Variants in TULP4 observed in about 807,000 individuals in gnomAD.
TULP4 encodes the protein TUB like protein 4.
A neutral mutation model predicts 129.0 loss-of-function variants in TULP4; 16 were observed. That is an observed-to-expected ratio of 0.12 (90% CI 0.08 to 0.19). The LOEUF is 0.19. Ranked by LOEUF, TULP4 falls within the 10% of genes least tolerant of loss-of-function variation. The pLI is 1.00. For synonymous variants in TULP4, 998 were observed against 854.0 expected (o/e 1.17, Z -2.94); for missense variants, 1,842 against 2,059.1 (o/e 0.89, Z 2.04).
chr6:158,303,528 G>A (rs1026659889), intron 1 of TULP4, among the ~76,000 whole-genome samples: 3 of 152,200 alleles, frequency 2.0e-5, no homozygotes, highest in Non-Finnish European at 1.5e-5. Context: ...CAGGGAACAC[G>A]ACAAAGGGCA....
At chr6:158,494,444 T>G (rs1780281622) in intron 10 of TULP4, among the ~76,000 whole-genome samples, 1 of 152,176 alleles carries the variant, frequency 6.6e-6, no homozygotes, top group African/African-American at 2.4e-5. Context: ...TCAGGCGAAA[T>G]ATCAAAGATA....
intron 1 of TULP4, among the ~76,000 whole-genome samples, chr6:158,397,156 A>C (rs981522683): frequency 6.6e-6 from 1 of 152,208 alleles, no homozygotes; most frequent in Admixed American, 6.5e-5. Flanking sequence ...ATCTGACAGC[A>C]GTTTATGGAA....
chr6:158,317,414 G>A (rs1233295311), intron 1 of TULP4, among the ~76,000 whole-genome samples: 3 of 151,450 alleles, frequency 2.0e-5, no homozygotes, highest in Non-Finnish European at 4.4e-5. Context: ...AGAACATGCG[G>A]TGTTTGGTTT....
At chr6:158,306,398 A>G (rs2128478895) in intron 1 of TULP4, among the ~76,000 whole-genome samples, 1 of 152,348 alleles carries the variant, frequency 6.6e-6, no homozygotes, top group African/African-American at 2.4e-5. Context: ...CTCTTCAAAA[A>G]GTACAAAAAG....
intron 1 of TULP4, among the ~76,000 whole-genome samples, chr6:158,408,130 T>C (rs1332160314): frequency 1.3e-5 from 2 of 152,206 alleles, no homozygotes; most frequent in Non-Finnish European, 2.9e-5. Flanking sequence ...CAGTCTGGTG[T>C]GGAACATTTG....
intron 2 of TULP4, among the ~76,000 whole-genome samples, chr6:158,415,832 T>C (rs1778197182): frequency 2.6e-5 from 4 of 152,016 alleles, no homozygotes; most frequent in Admixed American, 1.3e-4. Context: ...GATGTATATA[T>C]GAAAGGGAGT....
At chr6:158,452,623 A>G (rs1375326565) in intron 5 of TULP4, among the ~76,000 whole-genome samples, 1 of 152,260 alleles carries the variant, frequency 6.6e-6, no homozygotes, top group East Asian at 1.9e-4. Context: ...CTAAGGCAGC[A>G]GATGGTGCAC....
Position 158,314,219 on chromosome 6 carries a change from G to A in TULP4, c.203G>A (p.Arg68Lys), listed in dbSNP as rs1406666309. The change falls in exon 1 of 14, where the codon AGG becomes AAG. Residue 68 changes from arginine to lysine, a missense_variant. Coordinates refer to ENST00000367097, the MANE Select transcript of TULP4 (RefSeq NM_020245.5). Reference protein sequence around the residue: ...TFTSSHCRRDRSTPQRINFNL... With the variant: ...TFTSSHCRRDKSTPQRINFNL... ...ACCTCTAGTCACTGTCGCAGGGACAGGAGTACTCCACAGAGGATAAATTTC... is the reference window on the plus strand; with the variant it reads ...ACCTCTAGTCACTGTCGCAGGGACAAGAGTACTCCACAGAGGATAAATTTC... 2 of 1,614,184 alleles carry A rather than the reference G, an allele frequency of 1.2e-6. No homozygotes were observed. Among genetic ancestry groups the A allele is most frequent in the Non-Finnish European group, 1.7e-6 (2 of 1,180,038 alleles).
At chr6:158,373,422 A>G (rs889033866) in intron 1 of TULP4, among the ~76,000 whole-genome samples, 4 of 152,112 alleles carry the variant, frequency 2.6e-5, no homozygotes, top group Non-Finnish European at 2.9e-5. Flanking sequence ...GAAGAAGCCA[A>G]CGTGACTGCT....
chr6:158,251,146 T>C (rs1295179107), intron 1 of TULP4, among the ~76,000 whole-genome samples: 1 of 152,216 alleles, frequency 6.6e-6, no homozygotes, highest in South Asian at 2.1e-4. Flanking sequence ...CTTCATTTTG[T>C]GTCCGCCTGG....
chr6:158,452,467 A>C (rs1259867989), intron 5 of TULP4, among the ~76,000 whole-genome samples, 199 bp downstream of exon 5: 1 of 152,222 alleles, frequency 6.6e-6, no homozygotes, highest in Non-Finnish European at 1.5e-5. Context: ...GTCTTATCTC[A>C]AAGGGAGATT....
At chr6:158,405,413 C>G (rs531578163) in intron 1 of TULP4, among the ~76,000 whole-genome samples, 1 of 151,922 alleles carries the variant, frequency 6.6e-6, no homozygotes, top group South Asian at 2.1e-4. Context: ...GCGAAGGCCC[C>G]GAGCTCTGGG....
intron 1 of TULP4, among the ~76,000 whole-genome samples, chr6:158,394,901 A>G (rs1481679341): frequency 6.6e-6 from 1 of 150,408 alleles, no homozygotes; most frequent in Non-Finnish European, 1.5e-5. Context: ...GATGACTGGG[A>G]GGCCTCAGGA....
intron 6 of TULP4, among the ~76,000 whole-genome samples, chr6:158,469,530 CT>C (rs1562579728): frequency 6.6e-6 from 1 of 152,030 alleles, no homozygotes; most frequent in African/African-American, 2.4e-5. Context: ...CTGCCTCGGC[CT>C]TCCAAAGTGC....
chr6:158,478,793 G>A (rs2128249583), intron 6 of TULP4, among the ~76,000 whole-genome samples: 1 of 152,258 alleles, frequency 6.6e-6, no homozygotes, highest in South Asian at 2.1e-4. Context: ...TGGCACCCCT[G>A]AGCTTTGGAT....
chr6:158,399,831 A>G (rs1425724029), intron 1 of TULP4, among the ~76,000 whole-genome samples: 1 of 152,222 alleles, frequency 6.6e-6, no homozygotes. Flanking sequence ...TGGAACTCTT[A>G]CACTGTACTC....
rs143291488 is a variant in TULP4, at chr6:158,425,915, G to A, written c.382-3821G>A. Among the ~76,000 whole-genome samples the A allele has an allele frequency of 2.1e-3, 318 of 152,186 alleles. 2 individuals carry two copies. Among genetic ancestry groups the A allele is most frequent in the South Asian group, 3.1e-3 (15 of 4,814 alleles). On this transcript the variant is annotated intron_variant, in intron 2 of 13. Transcript: ENST00000367097. Reference sequence around the variant, plus strand: ...TGCCCTGTTTTTTGACTTTTTAATCGTAGCCATTCCAACTGATGTGAGATG... The same window carrying A: ...TGCCCTGTTTTTTGACTTTTTAATCATAGCCATTCCAACTGATGTGAGATG...
chr6:158,336,086 G>C (rs754731129), intron 1 of TULP4, among the ~76,000 whole-genome samples: 7 of 152,146 alleles, frequency 4.6e-5, no homozygotes, highest in Non-Finnish European at 8.8e-5. Context: ...TTCTCCCACA[G>C]CTTCACCCAT....
intron 1 of TULP4, among the ~76,000 whole-genome samples, chr6:158,389,241 G>T (rs1361709441): frequency 6.6e-6 from 1 of 152,194 alleles, no homozygotes; most frequent in Non-Finnish European, 1.5e-5. Context: ...CTTAAGCTCA[G>T]GAGTTTGAGA....
Sources: allele counts gnomAD v4.1 joint callset (sites outside exome capture counted in the v4.1 genomes callset), GRCh38; gene constraint gnomAD v4.1.1; transcripts MANE v1.5; gene names NCBI Gene and HGNC (gene_info 2026-07-23, HGNC 2026-07-21).